BMP2K: variants seen among roughly 807,000 people sequenced by gnomAD.
BMP2K encodes the protein BMP2 inducible kinase.
A neutral mutation model predicts 116.0 loss-of-function variants in BMP2K; 74 were observed. The ratio of observed to expected loss-of-function variants is 0.64; its 90% CI spans 0.53 to 0.77. The LOEUF (loss-of-function observed/expected upper bound fraction) is 0.77. Ranked by LOEUF, BMP2K falls within the 30% of genes least tolerant of loss-of-function variation. BMP2K has a pLI of 0.00. For synonymous variants in BMP2K, 486 were observed against 502.5 expected, an observed-to-expected ratio of 0.97 and a Z score of 0.44; for missense variants, 1,365 against 1,403.6, an observed-to-expected ratio of 0.97 and a Z score of 0.44.
chr4:78,847,334 T>G, intron 6 of BMP2K, 65 bp downstream of exon 6: 2 of 1,236,758 alleles, frequency 1.6e-6, no homozygotes, highest in Non-Finnish European at 2.2e-6. Flanking sequence ...AGTTTATTAT[T>G]TTTTACTCTG....
At chr4:78,877,884 A>G (rs954639439) in intron 13 of BMP2K, among the ~76,000 whole-genome samples, 1 of 152,172 alleles carries the variant, frequency 6.6e-6, no homozygotes, top group Non-Finnish European at 1.5e-5. Flanking sequence ...CTCTATTTTA[A>G]TCTTATGGAA....
intron 10 of BMP2K, among the ~76,000 whole-genome samples, chr4:78,867,393 ATGT>A (rs1732108482): frequency 1.3e-5 from 2 of 152,190 alleles, no homozygotes; most frequent in South Asian, 2.1e-4. Context: ...TCCTTGTCTA[ATGT>A]TGTATGAGAT....
intron 6 of BMP2K, among the ~76,000 whole-genome samples, chr4:78,847,999 G>A (rs1259689895): frequency 6.6e-6 from 1 of 151,602 alleles, no homozygotes; most frequent in Non-Finnish European, 1.5e-5. Flanking sequence ...TGTAGAAAAG[G>A]TCAGATTTAT....
At chr4:78,833,402 C>G (rs1009507449) in intron 2 of BMP2K, among the ~76,000 whole-genome samples, 180 bp from the exon 3 acceptor site, 1 of 152,060 alleles carries the variant, frequency 6.6e-6, no homozygotes, top group Non-Finnish European at 1.5e-5. Flanking sequence ...CAGTCGCATG[C>G]AGGTAAACTT....
intron 13 of BMP2K, among the ~76,000 whole-genome samples, chr4:78,873,399 T>G (rs1732468576): frequency 6.6e-6 from 1 of 152,234 alleles, no homozygotes; most frequent in Admixed American, 6.5e-5. Context: ...CTTTAGCATC[T>G]TGTAACTAAG....
intron 10 of BMP2K, among the ~76,000 whole-genome samples, chr4:78,866,919 A>T (rs1384915843): frequency 6.6e-6 from 1 of 152,180 alleles, no homozygotes; most frequent in Non-Finnish European, 1.5e-5. Flanking sequence ...TGTCAAGAAG[A>T]GGGCATATGA....
intron 15 of BMP2K, among the ~76,000 whole-genome samples, chr4:78,909,647 T>G (rs1346430089): frequency 6.6e-6 from 1 of 152,212 alleles, no homozygotes; most frequent in Non-Finnish European, 1.5e-5. Flanking sequence ...TTTGCATGGC[T>G]GGGCTCCTTC....
At position 78,915,887 on chromosome 4, in the gene BMP2K, A is replaced by G. The variant is rs1349667487; in HGVS notation, c.*3854A>G. On this transcript the variant is annotated 3_prime_UTR_variant, in exon 16 of 16. Coordinates refer to ENST00000502613, the MANE Select transcript of BMP2K (RefSeq NM_198892.2). ...ATGCTCTTTTTGTGATTGAAAAGTC[A>G]TCTAATAGAAGCTGTATAGAAGCTA... 3 of 151,954 alleles carry G rather than the reference A, an allele frequency of 2.0e-5. No homozygotes were observed. Among genetic ancestry groups the G allele is most frequent in the Non-Finnish European group, 2.9e-5 (2 of 67,886 alleles). 9.4% of individuals were successfully genotyped at this position (151,954 alleles called of 1,614,324 possible). A position where few individuals can be genotyped will look rare whatever the true frequency, so the allele number is the denominator to read the frequency against.
At position 78,915,988 on chromosome 4, in the gene BMP2K, T is replaced by C. The variant is rs1231256159; in HGVS notation, c.*3955T>C. On this transcript the variant is annotated 3_prime_UTR_variant, in exon 16 of 16. Transcript: ENST00000502613. Reference sequence around the variant, plus strand: ...TCCATTTTTTGTTAAACTTGAATTTTCTGAAGCCTTTTATGTACCACTAAG... The same window carrying C: ...TCCATTTTTTGTTAAACTTGAATTTCCTGAAGCCTTTTATGTACCACTAAG... 1 of 151,966 alleles carries C rather than the reference T, an allele frequency of 6.6e-6. No homozygotes were observed. Among genetic ancestry groups the C allele is most frequent in the East Asian group, 1.9e-4 (1 of 5,202 alleles). The allele number at this position is 151,966 out of a possible 1,614,324, so 9.4% of individuals were successfully genotyped here. A position where few individuals can be genotyped will look rare whatever the true frequency, so the allele number is the denominator to read the frequency against.
chr4:78,839,943 C>G (rs1185679148), intron 3 of BMP2K, among the ~76,000 whole-genome samples: 1 of 152,182 alleles, frequency 6.6e-6, no homozygotes, highest in Admixed American at 6.5e-5. Context: ...CCTTTGGGAA[C>G]ACCCTCAAAG....
intron 2 of BMP2K, among the ~76,000 whole-genome samples, chr4:78,829,794 T>TCTC (rs1730102135): frequency 1.1e-5 from 1 of 89,284 alleles, no homozygotes; most frequent in Non-Finnish European, 2.5e-5. Flanking sequence ...TCTTTTCTCT[T>TCTC]CTCTTCTCTT....
chr4:78,893,678 T>A (rs991871479), intron 15 of BMP2K, among the ~76,000 whole-genome samples: 2 of 152,214 alleles, frequency 1.3e-5, no homozygotes, highest in African/African-American at 4.8e-5. Flanking sequence ...TCCTCCCGCC[T>A]CAGCATCCCA....
chr4:78,840,000 A>C (rs1332929717), intron 3 of BMP2K, among the ~76,000 whole-genome samples: 1 of 152,208 alleles, frequency 6.6e-6, no homozygotes, highest in East Asian at 1.9e-4. Flanking sequence ...AATCAAGTTG[A>C]CACTCAGTAT....
intron 10 of BMP2K, among the ~76,000 whole-genome samples, chr4:78,869,410 T>G (rs970977287): frequency 1.3e-5 from 2 of 152,138 alleles, no homozygotes; most frequent in Non-Finnish European, 2.9e-5. Context: ...TACTGAAGGA[T>G]ATAAAATTTT....
chr4:78,871,428 ATT>A (rs1170440191), intron 11 of BMP2K, among the ~76,000 whole-genome samples: 1 of 152,098 alleles, frequency 6.6e-6, no homozygotes. Flanking sequence ...ATTGTCTTAG[ATT>A]TTTGTCACCC....
At chr4:78,836,789 T>C (rs887231940) in intron 3 of BMP2K, among the ~76,000 whole-genome samples, 5 of 152,232 alleles carry the variant, frequency 3.3e-5, no homozygotes, top group African/African-American at 2.4e-5. Context: ...ATAATTTTGA[T>C]CCAGAATTTT....
In BMP2K at chr4:78,846,844, T is replaced by A. The variant is rs796695202; in HGVS notation, c.669-344T>A. On this transcript the variant is annotated intron_variant, in intron 5 of 15. Coordinates refer to ENST00000502613, the MANE Select transcript of BMP2K (RefSeq NM_198892.2). ...AAGTTAATAGACTAAAATATTTTGA[T>A]AAGGAGACTATAATAGCCAAATTGT... Among the ~76,000 whole-genome samples the A allele has an allele frequency of 2.0e-5, 3 of 151,672 alleles. No individual in the cohort carries two copies. In the South Asian group the frequency reaches 6.2e-4, roughly 31 times the overall value.
chr4:78,893,156 G>A (rs1560549756), intron 15 of BMP2K, among the ~76,000 whole-genome samples: 1 of 152,090 alleles, frequency 6.6e-6, no homozygotes, highest in Non-Finnish European at 1.5e-5. Flanking sequence ...TAAATTCTTG[G>A]AGTCATTTCA....
chr4:78,842,830 T>C (rs1254338441), intron 4 of BMP2K, among the ~76,000 whole-genome samples: 2 of 152,120 alleles, frequency 1.3e-5, no homozygotes, highest in Non-Finnish European at 2.9e-5. Context: ...TTGACATATG[T>C]TAAATGTCTC....
Sources: allele counts gnomAD v4.1 joint callset (sites outside exome capture counted in the v4.1 genomes callset), GRCh38; gene constraint gnomAD v4.1.1; transcripts MANE v1.5; gene names NCBI Gene and HGNC (gene_info 2026-07-23, HGNC 2026-07-21).